The following EFHB variants were observed in gnomAD, a reference collection of about 807,000 sequenced individuals.
The protein encoded by EFHB is EF-hand domain-containing family member B.
A neutral mutation model predicts 87.2 loss-of-function variants in EFHB; 91 were observed. The ratio of observed to expected loss-of-function variants is 1.04; its 90% CI spans 0.88 to 1.24. EFHB has a LOEUF of 1.24. Among genes scored for constraint, EFHB ranks in the 50% most tolerant of loss-of-function variants. The pLI, the probability that EFHB is intolerant of heterozygous loss-of-function variation, is 0.00. For missense variants in EFHB, 1,084 were observed against 998.8 expected (o/e 1.09, Z -1.15); for synonymous variants, 325 against 333.6 (o/e 0.97, Z 0.28).
At chr3:19,944,412 G>A (rs905972322) in intron 1 of EFHB, among the ~76,000 whole-genome samples, 1 of 152,216 alleles carries the variant, frequency 6.6e-6, no homozygotes, top group Admixed American at 6.5e-5. Flanking sequence ...TCCTTAACAA[G>A]TTCTATCAAC....
At position 19,920,522 on chromosome 3, in the gene EFHB, T is replaced by C. The variant is rs1481612711; in HGVS notation, c.835A>G (p.Thr279Ala). ...GTGCTCACCCTGGGAAGTTTTTCAG[T>C]CAAGCAGGTTGCAACTCTGTAACCA... ...PVGYRVATCL[T>A]EKLPRLITPP... Residue 279 changes from threonine (T) to alanine (A), a missense_variant, in exon 2 of 13, where the codon ACT becomes GCT. By Grantham distance (58) the Thr-to-Ala change is moderately conservative (BLOSUM62 0). Transcript: ENST00000295824. The C allele has an allele frequency of 2.5e-6, 4 of 1,603,728 alleles. No individual in the cohort carries two copies. The South Asian group carries it at 3.4e-5, about 14-fold the overall frequency.
At chr3:19,939,565 T>C (rs1355602047) in intron 1 of EFHB, among the ~76,000 whole-genome samples, 4 of 151,716 alleles carry the variant, frequency 2.6e-5, no homozygotes, top group African/African-American at 7.3e-5. Flanking sequence ...TTTGTATTTT[T>C]AGTAGCGATG....
At chr3:19,920,213 A>C (rs1216428195) in intron 2 of EFHB, among the ~76,000 whole-genome samples, 2 of 152,202 alleles carry the variant, frequency 1.3e-5, no homozygotes, top group Non-Finnish European at 2.9e-5. Flanking sequence ...ACATATTTTA[A>C]ATGTTGTATT....
At chr3:19,908,620 G>GA (rs1161931879) in intron 5 of EFHB, among the ~76,000 whole-genome samples, 2 of 148,780 alleles carry the variant, frequency 1.3e-5, no homozygotes, top group African/African-American at 5.0e-5. Flanking sequence ...AAGAAAGAAA[G>GA]AAAGAAAGAA....
chr3:19,908,591 AGAGAGAG>A lies in EFHB; in HGVS notation c.1289-2849_1289-2843del, dbSNP rs1559459709. On this transcript the variant is annotated intron_variant, in intron 5 of 12. Transcript: ENST00000295824. ...GAGAGAGAGAGAGAGAGAGAGAGAG[AGAGAGAG>A]AGAAAGAAAGAAAGAAAGAAAGAAA... is the stretch of plus-strand genomic sequence containing the variant. 9.0e-3 allele frequency among the ~76,000 whole-genome samples: 1,069 copies of A among 118,900 alleles called. 9 individuals carry two copies. The highest frequency in any genetic ancestry group is 0.035 in the African/African-American group (878 of 25,126). 78.0% of individuals were successfully genotyped at this position (118,900 alleles called of 152,430 possible).
rs73188437 is a variant in EFHB, at chr3:19,891,489, A to G, written c.1726-2838T>C. ...GCCTGTTTCACTTATAGTCTGGCTG[A>G]GCTGAAACCTGGTGGTCTTCACTGA... On this transcript the variant is annotated intron_variant, in intron 9 of 12. Coordinates refer to ENST00000295824, the MANE Select transcript of EFHB (RefSeq NM_144715.4). 7.8e-3 allele frequency among the ~76,000 whole-genome samples: 1,192 copies of G among 152,308 alleles called. 11 individuals carry two copies. Among genetic ancestry groups the G allele is most frequent in the African/African-American group, 0.025 (1,026 of 41,572 alleles).
At chr3:19,938,759 A>G (rs544230387), upstream of EFHB, among the ~76,000 whole-genome samples, 68 of 152,282 alleles carry the variant, frequency 4.5e-4, no homozygotes, top group Admixed American at 1.4e-3. Context: ...AACCTTCAGA[A>G]GCAAAAATTG....
chr3:19,884,319 A>T, intron 11 of EFHB, 84 bp downstream of exon 11: 1 of 1,304,418 alleles, frequency 7.7e-7, no homozygotes, highest in Non-Finnish European at 1.1e-6. Flanking sequence ...AACTTAATCT[A>T]ACGGAGAAAG....
chr3:19,883,359 A>G (rs1276967109), intron 11 of EFHB, among the ~76,000 whole-genome samples: 1 of 152,180 alleles, frequency 6.6e-6, no homozygotes, highest in Admixed American at 6.6e-5. Flanking sequence ...TTTTATTTCT[A>G]TTGGACAACA....
At position 19,934,190 on chromosome 3, in the gene EFHB, C is replaced by G. The variant is rs1695942734; in HGVS notation, c.-172G>C. 2 of 1,440,102 alleles carry G rather than the reference C, an allele frequency of 1.4e-6. No individual in the cohort carries two copies. Among genetic ancestry groups the G allele is most frequent in the Non-Finnish European group, 1.8e-6 (2 of 1,104,928 alleles). The allele number at this position is 1,440,102 out of a possible 1,614,324, so 89.2% of individuals were successfully genotyped here. ...TCCTGCCTGCCTCTTAACACCTAGC[C>G]GAGTTCACAGAGGAAAAGATGGAGT... On this transcript the variant is annotated 5_prime_UTR_variant, in exon 1 of 13. Coordinates refer to ENST00000295824, the MANE Select transcript of EFHB (RefSeq NM_144715.4).
chr3:19,912,847 T>C (rs2125144272), intron 5 of EFHB, among the ~76,000 whole-genome samples: 1 of 152,298 alleles, frequency 6.6e-6, no homozygotes, highest in South Asian at 2.1e-4. Flanking sequence ...TCATGGGATT[T>C]ATCTCTGGGA....
chr3:19,903,812 T>C (rs1191736093), intron 6 of EFHB, among the ~76,000 whole-genome samples: 1 of 152,154 alleles, frequency 6.6e-6, no homozygotes. Context: ...GTGCAGTGGT[T>C]AGGGCTGCCT....
At chr3:19,881,567 T>C (rs1019872971) in intron 12 of EFHB, among the ~76,000 whole-genome samples, 1 of 152,152 alleles carries the variant, frequency 6.6e-6, no homozygotes, top group Admixed American at 6.6e-5. Flanking sequence ...AAACACAATC[T>C]GGAGGTTTTC....
chr3:19,944,202 A>T (rs1371454984), intron 1 of EFHB, among the ~76,000 whole-genome samples: 2 of 152,244 alleles, frequency 1.3e-5, no homozygotes, highest in Non-Finnish European at 1.5e-5. Flanking sequence ...ATTCATTATC[A>T]TCTATGCAAA....
chr3:19,909,502 A>C (rs1694983817), intron 5 of EFHB, among the ~76,000 whole-genome samples: 2 of 152,142 alleles, frequency 1.3e-5, no homozygotes. Flanking sequence ...AAGGACTGGA[A>C]CTCTTAGGCG....
chr3:19,906,888 A>T (rs1318317939), intron 5 of EFHB, among the ~76,000 whole-genome samples: 1 of 152,120 alleles, frequency 6.6e-6, no homozygotes, highest in Non-Finnish European at 1.5e-5. Flanking sequence ...AACAGAATGG[A>T]GAGCCCAGAA....
Position 19,920,692 on chromosome 3 carries a change from A to G in EFHB, c.790-125T>C, listed in dbSNP as rs565765281. ...AAAGTTACTTTTGACTAACATAAAA[A>G]AGGAAGAACAAATAGTAAATGTAAA... On this transcript the variant is annotated intron_variant, in intron 1 of 12. Coordinates refer to ENST00000295824, the MANE Select transcript of EFHB (RefSeq NM_144715.4). 3.4e-4 allele frequency: 223 copies of G among 653,542 alleles called. 2 individuals carry two copies. The highest frequency in any genetic ancestry group is 1.6e-3 in the South Asian group (70 of 44,378). The allele number at this position is 653,542 out of a possible 1,614,324, so 40.5% of individuals were successfully genotyped here.
Position 19,882,577 on chromosome 3 carries a change from GTC to G in EFHB, c.2299_2300del (p.Asp767LeufsTer16). 1 of 1,609,064 alleles carries G rather than the reference GTC, an allele frequency of 6.2e-7. No individual in the cohort carries two copies. The highest frequency in any genetic ancestry group is 8.5e-7 in the Non-Finnish European group (1 of 1,176,972). On this transcript the variant is annotated frameshift_variant, in exon 12 of 13. Coordinates refer to ENST00000295824, the MANE Select transcript of EFHB (RefSeq NM_144715.4). LOFTEE classifies it high-confidence loss of function. ...IFARKGVFERDFFKTRSKEEI... is the reference protein window; with the variant it reads ...IFARKGVFERXFFKTRSKEEI... ...CTTCTTTTGATCTGGTCTTGAAGAA[GTC>G]TCTTTCAAACACTCCTTTCCGGGCA...
chr3:19,926,313 T>C (rs1291272040), intron 1 of EFHB, among the ~76,000 whole-genome samples: 1 of 146,536 alleles, frequency 6.8e-6, no homozygotes. Context: ...TTTATTTGTG[T>C]ATGGGTTTTT....
Sources: gnomAD v4.1 joint callset for allele counts (sites outside exome capture counted in the v4.1 genomes callset) on GRCh38, gnomAD v4.1.1 for gene constraint, MANE v1.5 for transcripts, NCBI Gene and HGNC (gene_info 2026-07-23, HGNC 2026-07-21) for gene names.